Variants in MEGF6 observed in about 807,000 individuals in gnomAD.
MEGF6 encodes the protein multiple EGF like domains 6.
A neutral mutation model predicts 207.1 loss-of-function variants in MEGF6; 184 were observed. That is an observed-to-expected ratio of 0.89 (90% confidence interval 0.79 to 1.00). The LOEUF (loss-of-function observed/expected upper bound fraction) is 1.00. Ranked by LOEUF, MEGF6 falls within the 50% of genes least tolerant of loss-of-function variation. The pLI is 0.00. For synonymous variants in MEGF6, 1,038 were observed against 910.0 expected, an observed-to-expected ratio of 1.14 and a Z score of -2.53; for missense variants, 2,282 against 2,202.9, an observed-to-expected ratio of 1.04 and a Z score of -0.72.
chr1:3,598,579 C>T (rs1053630577), intron 2 of MEGF6, among the ~76,000 whole-genome samples: 1 of 152,188 alleles, frequency 6.6e-6, no homozygotes, highest in Non-Finnish European at 1.5e-5. Flanking sequence ...TCCATCCCCC[C>T]AAAAGGGAAT....
rs532072880 is a variant in MEGF6, at chr1:3,488,172, C to T, written c.*2356G>A. ...TATGGTCAGGAGTTTGTTTTTCCGT[C>T]GTCATTTGTAACCGTTAACATTAGG... On this transcript the variant is annotated 3_prime_UTR_variant, in exon 37 of 37. Transcript: ENST00000356575. Among the ~76,000 whole-genome samples, 7 of 152,218 alleles carry T rather than the reference C, an allele frequency of 4.6e-5. No individual in the cohort carries two copies. Among genetic ancestry groups the T allele is most frequent in the East Asian group, 1.9e-4 (1 of 5,182 alleles).
chr1:3,515,831 A>T (rs1641524223), intron 5 of MEGF6, among the ~76,000 whole-genome samples: 1 of 152,194 alleles, frequency 6.6e-6, no homozygotes, highest in African/African-American at 2.4e-5. Flanking sequence ...CCCAGACAGA[A>T]GCCCAGCACC....
intron 4 of MEGF6, among the ~76,000 whole-genome samples, chr1:3,526,033 G>A (rs938599590): frequency 6.6e-6 from 1 of 152,226 alleles, no homozygotes; most frequent in Non-Finnish European, 1.5e-5. Context: ...CAGAGCACCC[G>A]GCACACAGGG....
At position 3,500,585 on chromosome 1, in the gene MEGF6, G is replaced by A. The variant is rs376260379; in HGVS notation, c.2707+48C>T. The A allele has an allele frequency of 5.1e-5, 77 of 1,523,172 alleles. 1 individual carries two copies. The highest frequency in any genetic ancestry group is 3.7e-4 in the African/African-American group (27 of 72,674). The allele number at this position is 1,523,172 out of a possible 1,614,324, so 94.4% of individuals were successfully genotyped here. On this transcript the variant is annotated intron_variant, in intron 21 of 36. Transcript: ENST00000356575. ...TGTGTGCACGTGTGCATATGTGTGC[G>A]TGTGCGCACTCAGGAGGGTGGCAGC...
chr1:3,623,896 C>G, the MEGF6 span, among the ~76,000 whole-genome samples: 1 of 152,226 alleles, frequency 6.6e-6, no homozygotes, highest in Admixed American at 6.5e-5. Context: ...TCCACTCCCC[C>G]AGCTGCCGCG....
At chr1:3,502,294 C>G (rs1049624386) in intron 17 of MEGF6, among the ~76,000 whole-genome samples, 2 of 152,054 alleles carry the variant, frequency 1.3e-5, no homozygotes, top group African/African-American at 4.8e-5. Flanking sequence ...CATCCAGGAC[C>G]CTGGAGAGCT....
intron 23 of MEGF6, 84 bp from the exon 24 acceptor site, chr1:3,499,350 T>A: frequency 6.7e-7 from 1 of 1,494,950 alleles, no homozygotes; most frequent in Non-Finnish European, 9.0e-7. Flanking sequence ...TGGGCAGATC[T>A]GCCGGGGTCC....
At chr1:3,503,048 G>A (rs1054890451) in intron 17 of MEGF6, among the ~76,000 whole-genome samples, 6 of 152,190 alleles carry the variant, frequency 3.9e-5, no homozygotes, top group African/African-American at 1.4e-4. Context: ...CGTGTCAGAA[G>A]GCCCACAGCG....
chr1:3,517,593 A>G (rs943277212), intron 5 of MEGF6, among the ~76,000 whole-genome samples: 2 of 152,234 alleles, frequency 1.3e-5, no homozygotes, highest in African/African-American at 2.4e-5. Flanking sequence ...CTGCGTGGCC[A>G]GTGCCCAGCA....
Position 3,498,410 on chromosome 1 carries a change from G to A in MEGF6, c.3313C>T (p.Leu1105Phe), listed in dbSNP as rs767489353. 4 of 1,596,134 alleles carry A rather than the reference G, an allele frequency of 2.5e-6. No individual in the cohort carries two copies. In the African/African-American group the frequency reaches 5.4e-5, roughly 21 times the overall value. The change falls in exon 26 of 37, where the codon CTC (leucine) becomes TTC (phenylalanine). Residue 1105 changes from leucine (L) to phenylalanine (F), a missense_variant. Coordinates refer to ENST00000356575, the MANE Select transcript of MEGF6 (RefSeq NM_001409.4). ...TCCCCAGTCCAGCCGGCTGGGCAGA[G>A]GCAGCGGCCCGTGTGCGGGTCACAC... ...GLCDPHTGRC[L>F]CPAGWTGDKC...
intron 5 of MEGF6, among the ~76,000 whole-genome samples, chr1:3,522,344 C>G (rs535423212): frequency 6.6e-6 from 1 of 152,256 alleles, no homozygotes; most frequent in East Asian, 1.9e-4. Flanking sequence ...GGGAGCCCAC[C>G]ACTCACACAG....
Position 3,497,040 on chromosome 1 carries a change from G to A in MEGF6, c.3561C>T (p.Ala1187=). The A allele has an allele frequency of 1.9e-6, 3 of 1,554,202 alleles. No homozygotes were observed. Residue 1187 remains alanine (A), a synonymous_variant, in exon 28 of 37, where the codon GCC becomes GCT. Transcript: ENST00000356575. ...CAGCAGCACATGAGCAGGTCCCGGT[G>A]GCAGGGTGGCAGGCCGGGTTCTCAC... ...CPGENPACHP[A]TGTCSCAAGY...
chr1:3,538,745 T>TGTGTGA lies in MEGF6; in HGVS notation c.482-14500_482-14499insTCACAC, dbSNP rs57713922. 2.4e-3 allele frequency among the ~76,000 whole-genome samples: 302 copies of TGTGTGA among 126,506 alleles called. 1 individual carries two copies. Among genetic ancestry groups the TGTGTGA allele is most frequent in the South Asian group, 7.0e-3 (29 of 4,134 alleles). 83.0% of individuals were successfully genotyped at this position (126,506 alleles called of 152,430 possible). ...GTGTGTGTGTGTGTGTGTGTGTGTG[T>TGTGTGA]CCGCGCTGTCTGTGGGTTCTCTGTT... is the stretch of plus-strand genomic sequence containing the variant. On this transcript the variant is annotated intron_variant, in intron 4 of 36. Coordinates refer to ENST00000356575, the MANE Select transcript of MEGF6 (RefSeq NM_001409.4).
chr1:3,557,521 T>C (rs758834225), intron 4 of MEGF6, among the ~76,000 whole-genome samples: 17 of 152,168 alleles, frequency 1.1e-4, no homozygotes, highest in Non-Finnish European at 2.2e-4. Flanking sequence ...GGCGGTTATC[T>C]CTGCGCCTGC....
chr1:3,564,149 GC>G (rs1643280911), intron 4 of MEGF6, among the ~76,000 whole-genome samples: 2 of 150,994 alleles, frequency 1.3e-5, no homozygotes, highest in African/African-American at 4.9e-5. Flanking sequence ...GCTTTATAGG[GC>G]GAGGAACTGG....
rs1643314214 is a variant in MEGF6 at position 3,565,357 on chromosome 1, T to C, written c.481+14468A>G. ...GAGTTCACCAAGTTCCCTTCCTAGC[T>C]GGACCTTAAAACCCCCCGGGTCCTG... On this transcript the variant is annotated intron_variant, in intron 4 of 36. Transcript: ENST00000356575. This position sits in a 1 kb window ranked among gnomAD's most constrained non-coding sequence, Gnocchi z 4.8. Among the ~76,000 whole-genome samples the C allele has an allele frequency of 2.0e-5, 3 of 151,372 alleles. No homozygotes were observed. Among genetic ancestry groups the C allele is most frequent in the Admixed American group, 2.0e-4 (3 of 15,254 alleles).
chr1:3,598,131 G>A (rs772441774), intron 2 of MEGF6, among the ~76,000 whole-genome samples: 57 of 152,278 alleles, frequency 3.7e-4, no homozygotes, highest in African/African-American at 8.4e-4. Flanking sequence ...CTGCAGGGGC[G>A]GTGACCAGGG....
chr1:3,579,913 G>A lies in MEGF6; in HGVS notation c.393C>T (p.Ser131=). The A allele has an allele frequency of 1.3e-6, 2 of 1,536,666 alleles. No individual in the cohort carries two copies. The highest frequency in any genetic ancestry group is 1.3e-5 in the South Asian group (1 of 79,380). Residue 131 remains serine (S), a synonymous_variant, in exon 4 of 37, where the codon AGC becomes AGT. Transcript: ENST00000356575. ...EGCLSAECSA[S]LCFHGGRCVP... Reference sequence around the variant, plus strand: ...CACAACGGCCACCGTGAAAACAGAGGCTGGCGCTGCATTCAGCTGCGGAGG... The same window carrying A: ...CACAACGGCCACCGTGAAAACAGAGACTGGCGCTGCATTCAGCTGCGGAGG...
Position 3,507,825 on chromosome 1 carries a change from G to T in MEGF6, c.1759C>A (p.Pro587Thr). Reference sequence around the variant, plus strand: ...TCACAGTTAGTTCCACTGACACCCGGGGGGCAGCGGCAGGCCCCCGTGACA... The same window carrying T: ...TCACAGTTAGTTCCACTGACACCCGTGGGGCAGCGGCAGGCCCCCGTGACA... The part of the protein sequence containing the change: ...DSVTGACRCP[P>T]GVSGTNCEDG... The change falls in exon 14 of 37, where the codon CCG (proline) becomes ACG (threonine). Residue 587 changes from proline to threonine, a missense_variant. By Grantham distance (38) the Pro-to-Thr change is conservative (BLOSUM62 -1). Coordinates refer to ENST00000356575, the MANE Select transcript of MEGF6 (RefSeq NM_001409.4). 1 of 1,612,804 alleles carries T rather than the reference G, an allele frequency of 6.2e-7. No homozygotes were observed. The highest frequency in any genetic ancestry group is 1.1e-5 in the South Asian group (1 of 91,078).
Sources: gnomAD v4.1 joint callset for allele counts (sites outside exome capture counted in the v4.1 genomes callset) on GRCh38, gnomAD v4.1.1 for gene constraint, Gnocchi (gnomAD v3.1) non-coding constraint, MANE v1.5 for transcripts, NCBI Gene and HGNC (gene_info 2026-07-23, HGNC 2026-07-21) for gene names.